CCDC81: variants seen among roughly 807,000 people sequenced by gnomAD.
The protein encoded by CCDC81 is coiled-coil domain-containing protein 81.
Under a neutral mutation model 83.7 loss-of-function variants are expected in CCDC81, and 79 were observed. That is an observed-to-expected ratio of 0.94 (90% CI 0.79 to 1.14). The LOEUF (loss-of-function observed/expected upper bound fraction) is 1.14. CCDC81 is among the 50% of genes most tolerant of loss of function. CCDC81 has a pLI of 0.00. For synonymous variants in CCDC81, 252 were observed against 278.1 expected, an observed-to-expected ratio of 0.91 and a Z score of 0.93; for missense variants, 791 against 778.1, an observed-to-expected ratio of 1.02 and a Z score of -0.20.
rs552143294 is a variant in CCDC81, at chr11:86,387,433, G to A, written c.142-83G>A. ...TTAAGGCCTAAGCTTACTTCTCTTC[G>A]TGTTTTTTAGATAATAATATTAAGG... On this transcript the variant is annotated intron_variant, in intron 2 of 14. Transcript: ENST00000445632. The A allele has an allele frequency of 3.1e-4, 416 of 1,352,180 alleles. 4 individuals are homozygous for A. The South Asian group carries it at 3.3e-3, about 11-fold the overall frequency. 83.8% of individuals were successfully genotyped at this position (1,352,180 alleles called of 1,614,324 possible). A position where few individuals can be genotyped will look rare whatever the true frequency, so the allele number is the denominator to read the frequency against.
chr11:86,408,027 G>C (rs1948585607), intron 8 of CCDC81, 100 bp from the exon 9 acceptor site: 5 of 1,179,066 alleles, frequency 4.2e-6, no homozygotes, highest in Non-Finnish European at 5.9e-6. Context: ...TTAATAATAG[G>C]TTTCTTGATA....
At chr11:86,408,592 G>A (rs12274609) in intron 9 of CCDC81, among the ~76,000 whole-genome samples, 7,394 of 152,128 alleles carry the variant, frequency 0.049, 204 homozygotes, top group Middle Eastern at 0.088. Flanking sequence ...TCCAACTCCC[G>A]CCTCTGCCTC....
At position 86,422,646 on chromosome 11, in the gene CCDC81, C is replaced by T; in HGVS notation, c.1890C>T (p.Thr630=). Residue 630 remains threonine (T), a synonymous_variant, in exon 15 of 15, where the codon ACC becomes ACT. Coordinates refer to ENST00000445632, the MANE Select transcript of CCDC81 (RefSeq NM_001156474.2). ...YRRCKQCQRR[T]SNVGESNLWP... Reference sequence around the variant, plus strand: ...GCTGCAAGCAATGCCAGAGGCGCACCTCCAACGTGGGCGAGAGCAACCTGT... The same window carrying T: ...GCTGCAAGCAATGCCAGAGGCGCACTTCCAACGTGGGCGAGAGCAACCTGT... 1.2e-6 allele frequency: 2 copies of T among 1,614,140 alleles called. No homozygotes were observed. The highest frequency in any genetic ancestry group is 2.2e-5 in the South Asian group (2 of 91,084).
intron 7 of CCDC81, among the ~76,000 whole-genome samples, chr11:86,405,616 T>TCCTTCAAACTGTATCC: frequency 6.6e-6 from 1 of 152,186 alleles, no homozygotes; most frequent in East Asian, 1.9e-4. Context: ...GCTTTCAATT[T>TCCTTCAAACTGTATCC]CCTTCAAACT....
chr11:86,392,255 C>T (rs772927454), intron 3 of CCDC81, among the ~76,000 whole-genome samples: 1 of 152,096 alleles, frequency 6.6e-6, no homozygotes, highest in Non-Finnish European at 1.5e-5. Context: ...TTATATGTTT[C>T]CTAGAGAAAA....
At chr11:86,400,130 C>CAAAAA (rs560965042) in intron 6 of CCDC81, among the ~76,000 whole-genome samples, 3 of 106,504 alleles carry the variant, frequency 2.8e-5, no homozygotes, top group African/African-American at 6.4e-5. Flanking sequence ...GACTCCATCT[C>CAAAAA]AAAAAAAAAA....
At chr11:86,415,428 A>G (rs1458007146) in intron 13 of CCDC81, 115 bp downstream of exon 13, 7 of 759,530 alleles carry the variant, frequency 9.2e-6, no homozygotes, top group Non-Finnish European at 1.5e-5. Context: ...TAGTGGAGAA[A>G]TAAGAATAAT....
At chr11:86,396,302 G>A (rs1168675713) in intron 5 of CCDC81, among the ~76,000 whole-genome samples, 1 of 152,104 alleles carries the variant, frequency 6.6e-6, no homozygotes, top group Non-Finnish European at 1.5e-5. Flanking sequence ...TTACATGAAT[G>A]AAGCAACATG....
chr11:86,380,047 T>A (rs1180144877), intron 1 of CCDC81, among the ~76,000 whole-genome samples: 1 of 152,138 alleles, frequency 6.6e-6, no homozygotes, highest in Non-Finnish European at 1.5e-5. Flanking sequence ...CTTCCCTTTT[T>A]TTTTTTTTTT....
At position 86,408,191 on chromosome 11, in the gene CCDC81, G is replaced by C; in HGVS notation, c.1034G>C (p.Arg345Thr). 6.2e-7 allele frequency: 1 copy of C among 1,614,034 alleles called. No individual in the cohort carries two copies. Among genetic ancestry groups the C allele is most frequent in the Non-Finnish European group, 8.5e-7 (1 of 1,179,944 alleles). ...RNSLLYYSEE[R>T]RREIEDERLI... ...TCCCTGTTGTACTACAGTGAGGAAA[G>C]GAGGAGAGAGATAGAAGATGAGAGA... The change falls in exon 9 of 15, where the codon AGG becomes ACG. Residue 345 changes from arginine to threonine, a missense_variant. Arg to Thr is a moderately conservative substitution (Grantham distance 71). Coordinates refer to ENST00000445632, the MANE Select transcript of CCDC81 (RefSeq NM_001156474.2).
In CCDC81 at chr11:86,414,987, G is replaced by A. The variant is rs141251286; in HGVS notation, c.1471-106G>A. The A allele has an allele frequency of 1.7e-4, 247 of 1,427,158 alleles. 1 individual carries two copies. The African/African-American group carries it at 2.6e-3, about 15-fold the overall frequency. The allele number at this position is 1,427,158 out of a possible 1,614,324, so 88.4% of individuals were successfully genotyped here. Reference sequence around the variant, plus strand: ...ATGCATTTGGTAGTTTTTGTGCCCCGCATTCCTTCCTGTAAGATGCTGGTA... The same window carrying A: ...ATGCATTTGGTAGTTTTTGTGCCCCACATTCCTTCCTGTAAGATGCTGGTA... On this transcript the variant is annotated intron_variant, in intron 12 of 14. Transcript: ENST00000445632.
chr11:86,420,091 T>C (rs770803632), intron 14 of CCDC81, 38 bp downstream of exon 14: 1 of 1,598,958 alleles, frequency 6.3e-7, no homozygotes, highest in Non-Finnish European at 8.5e-7. Context: ...CTCCTGCTCC[T>C]TGTGGGACAG....
intron 5 of CCDC81, among the ~76,000 whole-genome samples, chr11:86,397,418 G>A (rs774389436): frequency 2.6e-5 from 4 of 152,194 alleles, no homozygotes; most frequent in Non-Finnish European, 5.9e-5. Context: ...GGTATAGAGG[G>A]AAAGGCCTTG....
At chr11:86,387,419 G>C in intron 2 of CCDC81, 97 bp from the exon 3 acceptor site, 1 of 1,209,312 alleles carries the variant, frequency 8.3e-7, no homozygotes, top group Non-Finnish European at 1.2e-6. Flanking sequence ...TAAGGCCTAA[G>C]CTTACTTCTC....
At chr11:86,404,595 A>T (rs1382490193) in intron 7 of CCDC81, among the ~76,000 whole-genome samples, 1 of 152,236 alleles carries the variant, frequency 6.6e-6, no homozygotes, top group Non-Finnish European at 1.5e-5. Context: ...AATGAGAGCC[A>T]TCAGAAACAA....
intron 14 of CCDC81, among the ~76,000 whole-genome samples, chr11:86,421,562 G>A (rs1235470612): frequency 2.6e-5 from 4 of 152,140 alleles, no homozygotes; most frequent in African/African-American, 4.8e-5. Context: ...CGCCCGCCTC[G>A]GCCTCCCAAA....
intron 3 of CCDC81, among the ~76,000 whole-genome samples, chr11:86,388,963 A>G (rs1447879718): frequency 6.6e-6 from 1 of 152,156 alleles, no homozygotes; most frequent in Admixed American, 6.5e-5. Context: ...TTAGACATAT[A>G]TGACTGAATT....
rs1565771302 is a variant in CCDC81 at position 86,415,234 on chromosome 11, AACC to A, written c.1615_1617del (p.His539del). ...GAAACACCAGCTGGAGGCAGCTGCTAACCACAAGAGGAAAGCCATCCTGCATCA... is the reference window on the plus strand; with the variant it reads ...GAAACACCAGCTGGAGGCAGCTGCTAACAAGAGGAAAGCCATCCTGCATCA... On this transcript the variant is annotated inframe_deletion, in exon 13 of 15. Coordinates refer to ENST00000445632, the MANE Select transcript of CCDC81 (RefSeq NM_001156474.2). 3 of 1,614,208 alleles carry A rather than the reference AACC, an allele frequency of 1.9e-6. No homozygotes were observed. Among genetic ancestry groups the A allele is most frequent in the Non-Finnish European group, 1.7e-6 (2 of 1,180,026 alleles).
chr11:86,392,697 G>A lies in CCDC81; in HGVS notation c.455G>A (p.Gly152Glu), dbSNP rs1480213593. 6.4e-7 allele frequency: 1 copy of A among 1,551,560 alleles called. No homozygotes were observed. The highest frequency in any genetic ancestry group is 8.7e-7 in the Non-Finnish European group (1 of 1,146,980). The stretch of plus-strand genomic sequence containing the variant: ...GTGGAGTTTACATTCAAAGGAATTG[G>A]GGTCCTCATGATCAGAGACAGCAAA... ...QNVEFTFKGI[G>E]VLMIRDSKVK... Residue 152 changes from glycine (G) to glutamate (E), a missense_variant, in exon 4 of 15, where the codon GGG becomes GAG. By Grantham distance (98) the Gly-to-Glu change is moderately conservative. Coordinates refer to ENST00000445632, the MANE Select transcript of CCDC81 (RefSeq NM_001156474.2).
Sources: allele counts gnomAD v4.1 joint callset (sites outside exome capture counted in the v4.1 genomes callset), GRCh38; gene constraint gnomAD v4.1.1; transcripts MANE v1.5; gene names NCBI Gene and HGNC (gene_info 2026-07-23, HGNC 2026-07-21).